TMEM39A: variants seen among roughly 807,000 people sequenced by gnomAD.
TMEM39A encodes transmembrane protein 39A.
TMEM39A carries 19 observed loss-of-function variants against 51.9 expected under a neutral mutation model. The observed-to-expected ratio is 0.37, with a 90% CI of 0.26 to 0.54. TMEM39A has a LOEUF of 0.54. Among genes scored for constraint, TMEM39A ranks in the 20% least tolerant of loss-of-function variants. The pLI is 0.88. For missense variants in TMEM39A, 433 were observed against 590.5 expected (o/e 0.73, Z 2.76); for synonymous variants, 197 against 220.2 (o/e 0.89, Z 0.93).
Position 119,429,286 on chromosome 3 carries a change from A to C in TMEM39A, c.*2695T>G, listed in dbSNP as rs558824663. ...GGACAGGAAGGAAAGGAGGATTAGG[A>C]ATATAAACATGGAATCAGAGTAAAC... On this transcript the variant is annotated 3_prime_UTR_variant, in exon 9 of 9. Coordinates refer to ENST00000319172, the MANE Select transcript of TMEM39A (RefSeq NM_018266.3). Among the ~76,000 whole-genome samples the C allele has an allele frequency of 6.6e-6, 1 of 152,146 alleles. No homozygotes were observed. The highest frequency in any genetic ancestry group is 2.1e-4 in the South Asian group (1 of 4,816).
Position 119,458,105 on chromosome 3 carries a change from C to T in TMEM39A, c.249G>A (p.Leu83=). The T allele has an allele frequency of 6.2e-7, 1 of 1,614,058 alleles. No individual in the cohort carries two copies. The highest frequency in any genetic ancestry group is 8.5e-7 in the Non-Finnish European group (1 of 1,179,996). ...LLFEFLFFIY[L]LVALFIQYIN... ...TGTACTGAATGAAAAGAGCAACCAA[C>T]AGGTAGATGAAAAAAAGGAATTCAA... Residue 83 remains leucine, a synonymous_variant, in exon 3 of 9, where the codon CTG becomes CTA. Transcript: ENST00000319172.
chr3:119,455,939 G>A (rs370582348), intron 3 of TMEM39A, among the ~76,000 whole-genome samples: 1 of 152,108 alleles, frequency 6.6e-6, no homozygotes, highest in East Asian at 1.9e-4. Context: ...TCACTATGCC[G>A]CTATGTGATT....
chr3:119,442,432 AAGAT>A (rs1406654930), intron 5 of TMEM39A, among the ~76,000 whole-genome samples: 1 of 152,132 alleles, frequency 6.6e-6, no homozygotes, highest in East Asian at 1.9e-4. Context: ...TATGCCTGTT[AAGAT>A]AGCATCCATT....
intron 2 of TMEM39A, among the ~76,000 whole-genome samples, chr3:119,461,237 A>C (rs2081333323): frequency 6.6e-6 from 1 of 152,228 alleles, no homozygotes; most frequent in Non-Finnish European, 1.5e-5. Context: ...GCTCCACTGA[A>C]ATGATGAGAT....
intron 6 of TMEM39A, 90 bp downstream of exon 6, chr3:119,437,665 C>T (rs1012694053): frequency 3.7e-6 from 4 of 1,095,844 alleles, no homozygotes; most frequent in Non-Finnish European, 2.6e-6. Context: ...AAAGGGGAGA[C>T]AGAGAAAAGG....
At chr3:119,459,013 C>G (rs1034061782) in intron 2 of TMEM39A, among the ~76,000 whole-genome samples, 2 of 152,158 alleles carry the variant, frequency 1.3e-5, no homozygotes, top group Admixed American at 6.5e-5. Flanking sequence ...TCCAGGAAAG[C>G]TCATTAGAGA....
intron 5 of TMEM39A, among the ~76,000 whole-genome samples, chr3:119,441,337 A>G (rs1359128472): frequency 6.6e-6 from 1 of 152,252 alleles, no homozygotes; most frequent in Non-Finnish European, 1.5e-5. Flanking sequence ...GCAAAGAAAA[A>G]GTTATTCAAG....
rs1377658657 is a variant in TMEM39A at position 119,436,888 on chromosome 3, G to A, written c.1015C>T (p.Pro339Ser). The change falls in exon 7 of 9, where the codon CCA (proline) becomes TCA (serine). Residue 339 changes from proline to serine, a missense_variant. Physicochemically the swap from Pro to Ser is moderately conservative, Grantham distance 74. Transcript: ENST00000319172. ...TGTAGCAAATCACAGTATTTGGATG[G>A]CAACAGTTGCGTGGTGAGCATGACA... The part of the protein sequence containing the change: ...AFVMLTTQLL[P>S]SKYCDLLHKS... 1 of 1,614,048 alleles carries A rather than the reference G, an allele frequency of 6.2e-7. No homozygotes were observed. Among genetic ancestry groups the A allele is most frequent in the Non-Finnish European group, 8.5e-7 (1 of 1,179,948 alleles).
At chr3:119,458,341 G>GAAA (rs2081293368) in intron 2 of TMEM39A, 101 bp from the exon 3 acceptor site, 1 of 951,414 alleles carries the variant, frequency 1.1e-6, no homozygotes, top group Non-Finnish European at 1.6e-6. Flanking sequence ...TTCACTGTCT[G>GAAA]CTTTCCCCAC....
intron 5 of TMEM39A, among the ~76,000 whole-genome samples, chr3:119,438,605 T>C (rs1012304424): frequency 6.6e-6 from 1 of 152,210 alleles, no homozygotes; most frequent in African/African-American, 2.4e-5. Context: ...ACAATAGTAT[T>C]CTCATATAGA....
Position 119,461,631 on chromosome 3 carries a change from AAAGAATGCTTATAAGTAGAT to A in TMEM39A, c.113+311_113+330del, listed in dbSNP as rs773334658. Reference sequence around the variant, plus strand: ...TTGACTTATAATTTGCCCTCTAAAAAAAGAATGCTTATAAGTAGATAAACCATCACACTTACCTTGTATTT... The same window carrying A: ...TTGACTTATAATTTGCCCTCTAAAAAAAACCATCACACTTACCTTGTATTT... On this transcript the variant is annotated intron_variant, in intron 2 of 8. Transcript: ENST00000319172. Among the ~76,000 whole-genome samples, 443 of 152,348 alleles carry A rather than the reference AAAGAATGCTTATAAGTAGAT, an allele frequency of 2.9e-3. 2 individuals carry two copies. The highest frequency in any genetic ancestry group is 5.1e-3 in the Non-Finnish European group (347 of 68,034).
At chr3:119,452,551 T>A (rs1330929470) in intron 3 of TMEM39A, 21 bp from the exon 4 acceptor site, 4 of 1,590,096 alleles carry the variant, frequency 2.5e-6, no homozygotes. Context: ...AATAAATAAC[T>A]ACATCAGAAA....
chr3:119,450,173 G>C (rs1424904854), intron 4 of TMEM39A, among the ~76,000 whole-genome samples: 1 of 152,148 alleles, frequency 6.6e-6, no homozygotes, highest in African/African-American at 2.4e-5. Context: ...ACATGTAACA[G>C]TGCTTGTAGT....
chr3:119,437,173 T>A (rs1255583072), intron 6 of TMEM39A, among the ~76,000 whole-genome samples, 195 bp from the exon 7 acceptor site: 1 of 152,142 alleles, frequency 6.6e-6, no homozygotes, highest in Non-Finnish European at 1.5e-5. Context: ...CTGTATGAGT[T>A]AGGGATGGGA....
rs2080979458 is a variant in TMEM39A, at chr3:119,437,050, T to G, written c.925-72A>C. 4 of 1,423,986 alleles carry G rather than the reference T, an allele frequency of 2.8e-6. 1 individual carries two copies. In the South Asian group the frequency reaches 5.3e-5, roughly 19 times the overall value. 88.2% of individuals were successfully genotyped at this position (1,423,986 alleles called of 1,614,324 possible). On this transcript the variant is annotated intron_variant, in intron 6 of 8. Transcript: ENST00000319172. Reference sequence around the variant, plus strand: ...AGAGGCAGGGATGGGTTGGTGTACATATGCCCTGCAGACAAATGCCACACT... The same window carrying G: ...AGAGGCAGGGATGGGTTGGTGTACAGATGCCCTGCAGACAAATGCCACACT...
Position 119,462,116 on chromosome 3 carries a change from AC to A in TMEM39A, c.-43del, listed in dbSNP as rs1373028843. 1 of 1,509,732 alleles carries A rather than the reference AC, an allele frequency of 6.6e-7. No homozygotes were observed. The highest frequency in any genetic ancestry group is 1.7e-5 in the Admixed American group (1 of 57,986). The allele number at this position is 1,509,732 out of a possible 1,614,324, so 93.5% of individuals were successfully genotyped here. On this transcript the variant is annotated 5_prime_UTR_variant, in exon 2 of 9. Transcript: ENST00000319172. Reference sequence around the variant, plus strand: ...GCTTCCAGTGCCACCTGTAGTTGCAACCCAGGTTAATGGTTGTCAACCAGTT... The same window carrying A: ...GCTTCCAGTGCCACCTGTAGTTGCAACCAGGTTAATGGTTGTCAACCAGTT...
rs1244692675 is a variant in TMEM39A, at chr3:119,463,538, T to C, written c.-277A>G. The stretch of plus-strand genomic sequence containing the variant: ...GACTCAGACCCAGACTCCGACGCAG[T>C]TCCAGTGCCAGAGCTAAAGCTAGAG... On this transcript the variant is annotated 5_prime_UTR_variant, in exon 1 of 9. Coordinates refer to ENST00000319172, the MANE Select transcript of TMEM39A (RefSeq NM_018266.3). 5.0e-6 allele frequency: 2 copies of C among 398,734 alleles called. No homozygotes were observed. Among genetic ancestry groups the C allele is most frequent in the Non-Finnish European group, 8.8e-6 (2 of 226,242 alleles). 24.7% of individuals were successfully genotyped at this position (398,734 alleles called of 1,614,324 possible).
intron 4 of TMEM39A, among the ~76,000 whole-genome samples, chr3:119,448,043 T>C (rs546933798): frequency 6.6e-6 from 1 of 152,322 alleles, no homozygotes; most frequent in South Asian, 2.1e-4. Context: ...CTAATTTGCT[T>C]GGTGAATTAA....
At chr3:119,451,823 T>C (rs1417915867) in intron 4 of TMEM39A, among the ~76,000 whole-genome samples, 13 of 66,000 alleles carry the variant, frequency 2.0e-4, no homozygotes, top group Non-Finnish European at 2.9e-4. Context: ...AGAGTGAAAC[T>C]CCGTCTCAAA....
Sources: allele counts gnomAD v4.1 joint callset (sites outside exome capture counted in the v4.1 genomes callset), GRCh38; gene constraint gnomAD v4.1.1; transcripts MANE v1.5; gene names NCBI Gene and HGNC (gene_info 2026-07-23, HGNC 2026-07-21).